The following AUTS2 variants were observed in gnomAD, a reference collection of about 807,000 sequenced individuals.
AUTS2 encodes autism susceptibility gene 2 protein.
A neutral mutation model predicts 112.4 loss-of-function variants in AUTS2; 17 were observed. The ratio of observed to expected loss-of-function variants is 0.15; its 90% confidence interval spans 0.10 to 0.23. AUTS2 has a LOEUF of 0.23. Ranked by LOEUF, AUTS2 falls within the 10% of genes least tolerant of loss-of-function variation. The pLI is 1.00. For missense variants in AUTS2, 1,510 were observed against 1,701.6 expected (o/e 0.89, Z 1.98); for synonymous variants, 751 against 702.7 (o/e 1.07, Z -1.09).
intron 5 of AUTS2, among the ~76,000 whole-genome samples, chr7:70,611,138 A>C (rs1355616815): frequency 1.3e-5 from 2 of 152,160 alleles, no homozygotes; most frequent in Admixed American, 6.5e-5. Flanking sequence ...TTTTGAGTTG[A>C]TTCTTTCACA....
intron 1 of AUTS2, among the ~76,000 whole-genome samples, chr7:69,623,237 CAG>C (rs1164801990): frequency 7.2e-5 from 11 of 152,100 alleles, no homozygotes; most frequent in South Asian, 6.2e-4. Flanking sequence ...GGGTTTGTGA[CAG>C]GGGGACAAGG....
At chr7:70,154,514 G>C (rs1326136627) in intron 4 of AUTS2, among the ~76,000 whole-genome samples, 1 of 152,150 alleles carries the variant, frequency 6.6e-6, no homozygotes, top group African/African-American at 2.4e-5. Context: ...CCTTTAAGGA[G>C]ACAGGGAAAC....
chr7:70,455,893 A>G (rs1440958005), intron 5 of AUTS2, among the ~76,000 whole-genome samples: 1 of 152,198 alleles, frequency 6.6e-6, no homozygotes, highest in Non-Finnish European at 1.5e-5. Flanking sequence ...CACAGTTTTT[A>G]GGAGAAAACC....
At chr7:70,648,584 T>C (rs1399822809) in intron 5 of AUTS2, among the ~76,000 whole-genome samples, 1 of 152,152 alleles carries the variant, frequency 6.6e-6, no homozygotes, top group Non-Finnish European at 1.5e-5. Flanking sequence ...TTTTTTGTTT[T>C]GTTTCGTTTT....
intron 6 of AUTS2, among the ~76,000 whole-genome samples, chr7:70,760,272 T>G (rs1352790167): frequency 1.3e-5 from 2 of 152,252 alleles, no homozygotes; most frequent in Non-Finnish European, 2.9e-5. Context: ...CCCAAAGTGC[T>G]GGGATTACAG....
intron 4 of AUTS2, among the ~76,000 whole-genome samples, chr7:70,321,945 C>A (rs1052800895): frequency 1.3e-5 from 2 of 151,950 alleles, no homozygotes; most frequent in African/African-American, 2.4e-5. Context: ...CTTGGTCAGT[C>A]CAAGTGAGAA....
At chr7:70,586,286 C>T (rs987344596) in intron 5 of AUTS2, among the ~76,000 whole-genome samples, 2 of 152,114 alleles carry the variant, frequency 1.3e-5, no homozygotes, top group Admixed American at 6.6e-5. Context: ...GTGTACCCTG[C>T]GGGAAGATAT....
At chr7:70,180,963 A>G (rs1809265184) in intron 4 of AUTS2, among the ~76,000 whole-genome samples, 2 of 152,348 alleles carry the variant, frequency 1.3e-5, no homozygotes, top group East Asian at 1.9e-4. Flanking sequence ...TTGAAAAGCA[A>G]TTCTGAATTT....
chr7:69,642,838 A>G (rs191974423), intron 1 of AUTS2, among the ~76,000 whole-genome samples: 143 of 152,300 alleles, frequency 9.4e-4, no homozygotes, highest in Non-Finnish European at 1.6e-3. Flanking sequence ...ATTATCTCGT[A>G]TTGGTTATCA....
At position 70,766,697 on chromosome 7, in the gene AUTS2, A is replaced by G. The variant is rs1344925449; in HGVS notation, c.1689+363A>G. Among the ~76,000 whole-genome samples the G allele has an allele frequency of 6.6e-6, 1 of 152,226 alleles. No homozygotes were observed. Among genetic ancestry groups the G allele is most frequent in the African/African-American group, 2.4e-5 (1 of 41,464 alleles). On this transcript the variant is annotated intron_variant, in intron 9 of 18. Coordinates refer to ENST00000342771, the MANE Select transcript of AUTS2 (RefSeq NM_015570.4). This position sits in a 1 kb window ranked among gnomAD's most constrained non-coding sequence, Gnocchi z 4.8. ...ATGCACCTGCTTGTGCTTTGCATCAAGTGCTAGCACATACATTCTTGCAGG... is the reference window on the plus strand; with the variant it reads ...ATGCACCTGCTTGTGCTTTGCATCAGGTGCTAGCACATACATTCTTGCAGG...
chr7:70,578,727 T>C (rs2129526765), intron 5 of AUTS2, among the ~76,000 whole-genome samples: 1 of 152,300 alleles, frequency 6.6e-6, no homozygotes, highest in Middle Eastern at 3.4e-3. Flanking sequence ...TTTTCTTGTT[T>C]ATACTTAGCC....
At chr7:70,286,084 C>G (rs1232712291) in intron 4 of AUTS2, among the ~76,000 whole-genome samples, 2 of 152,168 alleles carry the variant, frequency 1.3e-5, no homozygotes, top group Admixed American at 6.5e-5. Context: ...CGTTCAAAGA[C>G]TCTGAAACAG....
intron 5 of AUTS2, among the ~76,000 whole-genome samples, chr7:70,650,074 T>C (rs1806415375): frequency 6.6e-6 from 1 of 152,166 alleles, no homozygotes; most frequent in African/African-American, 2.4e-5. Context: ...CTTAGCTTTC[T>C]CCTCATGATT....
intron 2 of AUTS2, among the ~76,000 whole-genome samples, chr7:70,045,332 A>G: frequency 6.6e-6 from 1 of 152,138 alleles, no homozygotes. Flanking sequence ...ACCAGTTCTA[A>G]TTGAGGTGTG....
At chr7:70,239,028 C>G (rs74389580) in intron 4 of AUTS2, among the ~76,000 whole-genome samples, 1 of 152,138 alleles carries the variant, frequency 6.6e-6, no homozygotes, top group African/African-American at 2.4e-5. Flanking sequence ...AATAGAGATG[C>G]CTGAGCAGAT....
Position 69,781,549 on chromosome 7 carries a change from C to G in AUTS2, c.310-117737C>G, listed in dbSNP as rs149572759. ...GAACTGCCTTCTTTGGCCCTGCCCT[C>G]AGCAGCCTGTTGGCAGAGGACTAGA... On this transcript the variant is annotated intron_variant, in intron 1 of 18. Coordinates refer to ENST00000342771, the MANE Select transcript of AUTS2 (RefSeq NM_015570.4). 1.6e-4 allele frequency among the ~76,000 whole-genome samples: 24 copies of G among 152,328 alleles called. 1 individual carries two copies. Among genetic ancestry groups the G allele is most frequent in the Middle Eastern group, 3.4e-3 (1 of 294 alleles).
intron 1 of AUTS2, among the ~76,000 whole-genome samples, chr7:69,791,922 T>C (rs1584252632): frequency 6.6e-6 from 1 of 152,132 alleles, no homozygotes; most frequent in African/African-American, 2.4e-5. Flanking sequence ...TGTCTGAGAA[T>C]CTGCATGTGG....
chr7:70,067,417 A>C (rs1368327292), intron 2 of AUTS2, among the ~76,000 whole-genome samples: 1 of 152,220 alleles, frequency 6.6e-6, no homozygotes, highest in Non-Finnish European at 1.5e-5. Context: ...TTCTGGGAAA[A>C]ATATAGTGAG....
At chr7:69,843,984 T>C (rs1792090107) in intron 1 of AUTS2, among the ~76,000 whole-genome samples, 1 of 152,226 alleles carries the variant, frequency 6.6e-6, no homozygotes, top group African/African-American at 2.4e-5. Context: ...CTTTGTATCA[T>C]GTGAGAGTTA....
Sources: gnomAD v4.1 joint callset for allele counts (sites outside exome capture counted in the v4.1 genomes callset) on GRCh38, gnomAD v4.1.1 for gene constraint, Gnocchi (gnomAD v3.1) non-coding constraint, MANE v1.5 for transcripts, NCBI Gene and HGNC (gene_info 2026-07-23, HGNC 2026-07-21) for gene names.